The following FANK1 variants were observed in gnomAD, a reference collection of about 807,000 sequenced individuals.
FANK1 encodes fibronectin type 3 and ankyrin repeat domains protein 1.
In FANK1, 44 loss-of-function variants were observed where a neutral mutation model predicts 45.3. The observed-to-expected ratio is 0.97, with a 90% CI of 0.76 to 1.25. The LOEUF (loss-of-function observed/expected upper bound fraction) is 1.25. Among genes scored for constraint, FANK1 ranks in the 50% most tolerant of loss-of-function variants. FANK1 has a pLI of 0.00. For missense variants in FANK1, 391 were observed against 424.4 expected (o/e 0.92, Z 0.69); for synonymous variants, 149 against 152.5 (o/e 0.98, Z 0.17).
chr10:126,004,088 A>G (rs1040371160), intron 6 of FANK1: 1 of 149,554 alleles, frequency 6.7e-6, no homozygotes, highest in Admixed American at 6.7e-5. Flanking sequence ...TTCCTTTTAT[A>G]TTTATTAGTT....
intron 1 of FANK1, among the ~76,000 whole-genome samples, chr10:125,961,632 A>T (rs541642165): frequency 8.5e-5 from 13 of 152,242 alleles, no homozygotes; most frequent in Admixed American, 2.6e-4. Context: ...CTGAAACCAT[A>T]AAACTACTAC....
intron 3 of FANK1, among the ~76,000 whole-genome samples, chr10:125,992,323 G>A (rs12266008): frequency 0.037 from 5,695 of 152,128 alleles, 372 homozygotes; most frequent in African/African-American, 0.13. Flanking sequence ...AGACGTTTTC[G>A]TACCTCTGTT....
chr10:125,989,349 A>G, intron 3 of FANK1: 1 of 1,551,254 alleles, frequency 6.4e-7, no homozygotes, highest in South Asian at 1.2e-5. Flanking sequence ...CCACCCACTG[A>G]AAACACAGGC....
intron 1 of FANK1, chr10:125,972,295 G>A (rs1405386850): frequency 2.0e-5 from 3 of 152,018 alleles, no homozygotes; most frequent in Non-Finnish European, 4.4e-5. Context: ...GTGCCGCCCC[G>A]GGCCTCTGCT....
intron 1 of FANK1, among the ~76,000 whole-genome samples, chr10:125,925,125 T>C (rs1947255665): frequency 6.6e-6 from 1 of 152,068 alleles, no homozygotes; most frequent in African/African-American, 2.4e-5. Context: ...ATTTTTTTCA[T>C]AGTTTTAAAT....
intron 1 of FANK1, among the ~76,000 whole-genome samples, chr10:125,937,244 T>C (rs996759272): frequency 2.6e-5 from 4 of 152,216 alleles, no homozygotes; most frequent in African/African-American, 7.2e-5. Flanking sequence ...TCGTGACTTA[T>C]AATCTCACCC....
chr10:125,922,175 A>G (rs1387454300), intron 1 of FANK1, among the ~76,000 whole-genome samples: 8 of 152,208 alleles, frequency 5.3e-5, no homozygotes, highest in African/African-American at 9.6e-5. Flanking sequence ...TCTTTGACCT[A>G]TGGGCCATTT....
At chr10:125,953,869 G>A (rs987870201) in intron 1 of FANK1, among the ~76,000 whole-genome samples, 2 of 152,154 alleles carry the variant, frequency 1.3e-5, no homozygotes, top group Non-Finnish European at 2.9e-5. Context: ...CTTCCCCATG[G>A]GCTGCTGTGA....
At chr10:125,943,028 G>A (rs919802202) in intron 1 of FANK1, among the ~76,000 whole-genome samples, 2 of 152,002 alleles carry the variant, frequency 1.3e-5, no homozygotes, top group African/African-American at 4.8e-5. Context: ...TGGCCAGGCT[G>A]GTCTCGAACT....
At chr10:125,928,586 C>G (rs1947539244) in intron 1 of FANK1, among the ~76,000 whole-genome samples, 1 of 152,146 alleles carries the variant, frequency 6.6e-6, no homozygotes, top group Non-Finnish European at 1.5e-5. Context: ...TGCTCTTTTT[C>G]AAACCCCTCT....
intron 1 of FANK1, among the ~76,000 whole-genome samples, chr10:125,955,990 C>T (rs980167088): frequency 3.9e-5 from 6 of 152,144 alleles, no homozygotes; most frequent in Non-Finnish European, 8.8e-5. Context: ...AACTATGACT[C>T]ATTATCCTGG....
At chr10:125,966,979 A>G (rs1014005423) in intron 1 of FANK1, among the ~76,000 whole-genome samples, 14 of 152,182 alleles carry the variant, frequency 9.2e-5, no homozygotes, top group Non-Finnish European at 2.1e-4. Context: ...TTATGCCATT[A>G]TAATCATAGC....
At chr10:125,922,006 T>A (rs1266065844) in intron 1 of FANK1, among the ~76,000 whole-genome samples, 28 of 152,176 alleles carry the variant, frequency 1.8e-4, no homozygotes, top group Non-Finnish European at 7.3e-5. Context: ...TTGAGTTTAT[T>A]TGGTTCTTTT....
intron 1 of FANK1, among the ~76,000 whole-genome samples, chr10:125,919,193 GAAT>G: frequency 1.9e-5 from 1 of 53,536 alleles, no homozygotes; most frequent in African/African-American, 6.2e-5. Flanking sequence ...CAGGAGGTAA[GAAT>G]TTTTTTTTTT....
intron 1 of FANK1, among the ~76,000 whole-genome samples, chr10:125,938,294 TA>T (rs11318152): frequency 0.76 from 114,550 of 151,574 alleles, 43,566 homozygotes; most frequent in South Asian, 0.79. Flanking sequence ...AATTTATGAT[TA>T]AAAAAAAAAT....
At chr10:125,974,680 C>G in intron 1 of FANK1, among the ~76,000 whole-genome samples, 1 of 152,134 alleles carries the variant, frequency 6.6e-6, no homozygotes, top group East Asian at 1.9e-4. Context: ...TTCAAAGCAC[C>G]TAGTATAGAA....
chr10:125,909,686 C>CTTTTT (rs34854157), intron 1 of FANK1, among the ~76,000 whole-genome samples: 13 of 103,256 alleles, frequency 1.3e-4, no homozygotes, highest in African/African-American at 1.9e-4. Context: ...GACCAATTAA[C>CTTTTT]TTTTTTTTTT....
At chr10:125,942,296 G>A (rs1339609030) in intron 1 of FANK1, among the ~76,000 whole-genome samples, 3 of 152,162 alleles carry the variant, frequency 2.0e-5, no homozygotes, top group African/African-American at 7.2e-5. Context: ...ATTTATTCTC[G>A]ATGGATTGAT....
chr10:125,991,360 G>T (rs1259082943), intron 3 of FANK1, among the ~76,000 whole-genome samples: 1 of 152,020 alleles, frequency 6.6e-6, no homozygotes, highest in African/African-American at 2.4e-5. Context: ...TCAACCTCAG[G>T]GGGGCTGTAC....
Sources: gnomAD v4.1 joint callset for allele counts (sites outside exome capture counted in the v4.1 genomes callset) on GRCh38, gnomAD v4.1.1 for gene constraint, MANE v1.5 for transcripts, NCBI Gene and HGNC (gene_info 2026-07-23, HGNC 2026-07-21) for gene names.